The following POT1 variants were observed in gnomAD, a reference collection of about 807,000 sequenced individuals.
POT1 encodes protection of telomeres 1.
A neutral mutation model predicts 78.5 loss-of-function variants in POT1; 47 were observed. That is an observed-to-expected ratio of 0.60 (90% CI 0.47 to 0.76). POT1 has a LOEUF of 0.76. POT1 is among the 30% of genes least tolerant of loss of function. The pLI, the probability that POT1 is intolerant of heterozygous loss-of-function variation, is 0.00. For missense variants in POT1, 646 were observed against 749.9 expected, an observed-to-expected ratio of 0.86 and a Z score of 1.62; for synonymous variants, 259 against 260.7, an observed-to-expected ratio of 0.99 and a Z score of 0.06.
chr7:124,883,731 G>C (rs1186710207), intron 6 of POT1, among the ~76,000 whole-genome samples: 1 of 151,690 alleles, frequency 6.6e-6, no homozygotes, highest in East Asian at 1.9e-4. Context: ...ATTTTTCTAG[G>C]ATAGGTTCTA....
At chr7:124,870,830 A>G in intron 7 of POT1, 81 bp downstream of exon 7, 1 of 1,173,720 alleles carries the variant, frequency 8.5e-7, no homozygotes, top group South Asian at 2.9e-5. Flanking sequence ...AAGCAACTAT[A>G]TAATTAGTGC....
At chr7:124,913,875 T>C (rs1440613140) in intron 3 of POT1, among the ~76,000 whole-genome samples, 1 of 152,106 alleles carries the variant, frequency 6.6e-6, no homozygotes, top group Non-Finnish European at 1.5e-5. Flanking sequence ...GTATGGGTTT[T>C]CTGTAATCCC....
At chr7:124,886,613 T>TA (rs763962680) in intron 6 of POT1, among the ~76,000 whole-genome samples, 5 of 152,246 alleles carry the variant, frequency 3.3e-5, no homozygotes, top group Non-Finnish European at 5.9e-5. Flanking sequence ...TTTAATTTAG[T>TA]ATCTTAGAAG....
chr7:124,926,809 T>C (rs1797285780), intron 2 of POT1, among the ~76,000 whole-genome samples: 1 of 152,158 alleles, frequency 6.6e-6, no homozygotes, highest in African/African-American at 2.4e-5. Context: ...TTATCTTAAA[T>C]GAAACAACTG....
At chr7:124,838,034 G>A (rs1444183829) in intron 14 of POT1, among the ~76,000 whole-genome samples, 1 of 152,018 alleles carries the variant, frequency 6.6e-6, no homozygotes, top group Non-Finnish European at 1.5e-5. Context: ...AGCAAACTAG[G>A]AATATTGGGG....
chr7:124,867,665 T>C (rs945338817), intron 7 of POT1, among the ~76,000 whole-genome samples: 1 of 152,040 alleles, frequency 6.6e-6, no homozygotes, highest in Non-Finnish European at 1.5e-5. Flanking sequence ...TTATTTTTTT[T>C]GGATGGAGTC....
chr7:124,888,115 TAAGTC>T (rs1796288446), intron 6 of POT1, among the ~76,000 whole-genome samples: 1 of 152,124 alleles, frequency 6.6e-6, no homozygotes, highest in Admixed American at 6.6e-5. Context: ...GTCATACTCT[TAAGTC>T]TTTAATCCAC....
chr7:124,869,256 T>C (rs1795806227), intron 7 of POT1, among the ~76,000 whole-genome samples: 1 of 152,176 alleles, frequency 6.6e-6, no homozygotes, highest in Non-Finnish European at 1.5e-5. Flanking sequence ...AAACCTGTGT[T>C]GTTGAAGGGG....
rs1794544823 is a variant in POT1, at chr7:124,823,130, T to C, written c.*832A>G. On this transcript the variant is annotated 3_prime_UTR_variant, in exon 19 of 19. Transcript: ENST00000357628. ...GGTTGCTGTGAGGATCAAATACATG[T>C]TTAGTGCTTAGCACAGTACCTGGGA... 1 of 153,290 alleles carries C rather than the reference T, an allele frequency of 6.5e-6. No individual in the cohort carries two copies. Among genetic ancestry groups the C allele is most frequent in the Non-Finnish European group, 1.5e-5 (1 of 68,748 alleles). 9.5% of individuals were successfully genotyped at this position (153,290 alleles called of 1,614,324 possible).
At chr7:124,859,224 T>A in intron 8 of POT1, 112 bp from the exon 9 acceptor site, 1 of 641,830 alleles carries the variant, frequency 1.6e-6, no homozygotes, top group Non-Finnish European at 2.4e-6. Context: ...CCTCTGAATA[T>A]TGGCACTATT....
At chr7:124,855,399 A>G (rs976496120) in intron 9 of POT1, among the ~76,000 whole-genome samples, 7 of 151,880 alleles carry the variant, frequency 4.6e-5, no homozygotes, top group African/African-American at 1.7e-4. Context: ...ATTTTTTAAC[A>G]TAACAAAATT....
chr7:124,834,147 A>ACTCCTC (rs1226575214), intron 15 of POT1, among the ~76,000 whole-genome samples: 2 of 151,820 alleles, frequency 1.3e-5, no homozygotes, highest in African/African-American at 4.9e-5. Flanking sequence ...AAAACCATAA[A>ACTCCTC]AATCCTAGAA....
intron 11 of POT1, among the ~76,000 whole-genome samples, chr7:124,849,356 G>C (rs1795247782): frequency 6.6e-6 from 1 of 152,140 alleles, no homozygotes; most frequent in South Asian, 2.1e-4. Flanking sequence ...CAGAAAATCT[G>C]AGGAAGAGGG....
chr7:124,852,795 A>G (rs1795344296), intron 10 of POT1, among the ~76,000 whole-genome samples, 177 bp downstream of exon 10: 1 of 152,098 alleles, frequency 6.6e-6, no homozygotes, highest in Non-Finnish European at 1.5e-5. Context: ...TGGCTCTGCT[A>G]CTACTTAGCT....
intron 3 of POT1, among the ~76,000 whole-genome samples, chr7:124,903,049 G>A (rs1160912338): frequency 1.3e-5 from 2 of 152,076 alleles, no homozygotes; most frequent in Non-Finnish European, 1.5e-5. Context: ...CCTACAAAGA[G>A]ACTTAGACTC....
chr7:124,865,426 G>A (rs1795696491), intron 7 of POT1, among the ~76,000 whole-genome samples: 1 of 151,802 alleles, frequency 6.6e-6, no homozygotes, highest in African/African-American at 2.4e-5. Context: ...TGTAACCCTT[G>A]ATATTGTTCC....
intron 3 of POT1, among the ~76,000 whole-genome samples, chr7:124,901,598 T>G (rs1176929648): frequency 6.6e-6 from 1 of 152,068 alleles, no homozygotes; most frequent in Non-Finnish European, 1.5e-5. Flanking sequence ...AGCTGAAAAT[T>G]CTAAAAATCA....
chr7:124,825,190 C>T, intron 18 of POT1, 62 bp downstream of exon 18: 1 of 1,075,636 alleles, frequency 9.3e-7, no homozygotes, highest in Non-Finnish European at 1.4e-6. Flanking sequence ...CCACAGAGTA[C>T]ATATATGTTA....
chr7:124,870,248 T>C (rs1795834808), intron 7 of POT1, among the ~76,000 whole-genome samples: 1 of 152,118 alleles, frequency 6.6e-6, no homozygotes. Flanking sequence ...AAAAGCTCAA[T>C]TAAATAAATA....
Sources: allele counts gnomAD v4.1 joint callset (sites outside exome capture counted in the v4.1 genomes callset), GRCh38; gene constraint gnomAD v4.1.1; transcripts MANE v1.5; gene names NCBI Gene and HGNC (gene_info 2026-07-23, HGNC 2026-07-21).